Variants in ATP8A2 observed in about 807,000 individuals in gnomAD.
ATP8A2 encodes ATPase phospholipid transporting 8A2, also known as phospholipid-transporting ATPase IB.
A neutral mutation model predicts 165.6 loss-of-function variants in ATP8A2; 100 were observed. The ratio of observed to expected loss-of-function variants is 0.60; its 90% confidence interval spans 0.51 to 0.71. The LOEUF is 0.71. Ranked by LOEUF, ATP8A2 falls within the 30% of genes least tolerant of loss-of-function variation. The pLI is 0.00. For missense variants in ATP8A2, 1,227 were observed against 1,479.5 expected (o/e 0.83, Z 2.80); for synonymous variants, 543 against 548.8 (o/e 0.99, Z 0.15).
chr13:25,697,541 A>G (rs1358901650), intron 24 of ATP8A2, among the ~76,000 whole-genome samples: 1 of 152,204 alleles, frequency 6.6e-6, no homozygotes, highest in Non-Finnish European at 1.5e-5. Context: ...TCGGCCTCCC[A>G]GAGTGCTGGG....
chr13:25,507,527 A>G (rs2037089324), intron 2 of ATP8A2, among the ~76,000 whole-genome samples: 3 of 152,052 alleles, frequency 2.0e-5, no homozygotes, highest in Admixed American at 1.3e-4. Flanking sequence ...TGGCGTGCCA[A>G]AGTGCTAGGA....
At chr13:25,382,029 G>A (rs992536078) in intron 1 of ATP8A2, among the ~76,000 whole-genome samples, 2 of 152,086 alleles carry the variant, frequency 1.3e-5, no homozygotes, top group African/African-American at 2.4e-5. Flanking sequence ...CCCCAATGTG[G>A]TATCATACAG....
chr13:25,941,596 C>T (rs905386036), intron 33 of ATP8A2, among the ~76,000 whole-genome samples: 2 of 152,190 alleles, frequency 1.3e-5, no homozygotes, highest in African/African-American at 2.4e-5. Flanking sequence ...TCACCCGTCC[C>T]ATCCTGACCA....
chr13:25,375,804 C>T (rs981081625), intron 1 of ATP8A2, among the ~76,000 whole-genome samples: 1 of 152,080 alleles, frequency 6.6e-6, no homozygotes, highest in Non-Finnish European at 1.5e-5. Flanking sequence ...ATCTCTTAAC[C>T]TCGTGATCCA....
chr13:25,703,159 A>G (rs2042985185), intron 25 of ATP8A2, among the ~76,000 whole-genome samples: 1 of 152,150 alleles, frequency 6.6e-6, no homozygotes, highest in African/African-American at 2.4e-5. Context: ...AGCCCACTGC[A>G]ACCTCTACCT....
At chr13:25,926,537 A>G (rs532147390) in intron 33 of ATP8A2, among the ~76,000 whole-genome samples, 1 of 152,334 alleles carries the variant, frequency 6.6e-6, no homozygotes, top group South Asian at 2.1e-4. Flanking sequence ...TATCTGCTGC[A>G]TGGAATACTG....
At chr13:25,664,439 G>A (rs2042110413) in intron 24 of ATP8A2, among the ~76,000 whole-genome samples, 1 of 152,138 alleles carries the variant, frequency 6.6e-6, no homozygotes, top group South Asian at 2.1e-4. Context: ...CCTCTTCAGC[G>A]ATTGCACTGT....
intron 18 of ATP8A2, 105 bp from the exon 19 acceptor site, chr13:25,574,703 A>AAG (rs371416859): frequency 6.8e-5 from 51 of 750,424 alleles, no homozygotes; most frequent in Admixed American, 1.6e-4. Context: ...AGAAGGTGGG[A>AAG]AGAGAGAGAG....
Position 25,487,847 on chromosome 13 carries a change from CT to C in ATP8A2, c.221+18737del, listed in dbSNP as rs796393091. The stretch of plus-strand genomic sequence containing the variant: ...CAGTGTAATCTTTCTCTCTTTCTTT[CT>C]TTTTTTTTTTGTAATAGCCTGAGTG... On this transcript the variant is annotated intron_variant, in intron 2 of 36. Coordinates refer to ENST00000381655, the MANE Select transcript of ATP8A2 (RefSeq NM_016529.6). 3.6e-3 allele frequency among the ~76,000 whole-genome samples: 530 copies of C among 146,432 alleles called. 5 individuals carry two copies. The highest frequency in any genetic ancestry group is 0.014 in the Admixed American group (200 of 14,566).
intron 29 of ATP8A2, among the ~76,000 whole-genome samples, chr13:25,837,542 T>A (rs1951648993): frequency 6.6e-6 from 1 of 151,224 alleles, no homozygotes; most frequent in Non-Finnish European, 1.5e-5. Flanking sequence ...CAACCTCCAG[T>A]CCCAGCATGC....
At chr13:25,568,747 G>T (rs1478555584) in intron 16 of ATP8A2, among the ~76,000 whole-genome samples, 1 of 152,022 alleles carries the variant, frequency 6.6e-6, no homozygotes, top group Non-Finnish European at 1.5e-5. Context: ...ACTTACAAAT[G>T]GTTAAATGAT....
intron 2 of ATP8A2, among the ~76,000 whole-genome samples, chr13:25,505,012 G>A (rs2036986562): frequency 6.6e-6 from 1 of 152,086 alleles, no homozygotes. Flanking sequence ...GGAAATTACT[G>A]CTCTTACCCA....
rs146837251 is a variant in ATP8A2, at chr13:25,870,135, T to C, written c.3183+7727T>C. 3.1e-3 allele frequency among the ~76,000 whole-genome samples: 476 copies of C among 152,264 alleles called. 1 individual carries two copies. Among genetic ancestry groups the C allele is most frequent in the Middle Eastern group, 0.014 (4 of 294 alleles). Reference sequence around the variant, plus strand: ...TGTCCTCCAATTGTTCTGGCCAAACTCTGTGTCATTCTGGCGATAGGTGGC... The same window carrying C: ...TGTCCTCCAATTGTTCTGGCCAAACCCTGTGTCATTCTGGCGATAGGTGGC... On this transcript the variant is annotated intron_variant, in intron 33 of 36. Coordinates refer to ENST00000381655, the MANE Select transcript of ATP8A2 (RefSeq NM_016529.6).
chr13:25,932,990 G>T (rs1430463015), intron 33 of ATP8A2, among the ~76,000 whole-genome samples: 5 of 152,186 alleles, frequency 3.3e-5, no homozygotes, highest in Non-Finnish European at 7.3e-5. Flanking sequence ...GGGAGTACAG[G>T]TGCATGCCAC....
In ATP8A2 at chr13:25,926,912, T is replaced by C. The variant is rs370801010; in HGVS notation, c.3184-34663T>C. Among the ~76,000 whole-genome samples, 6 of 152,334 alleles carry C rather than the reference T, an allele frequency of 3.9e-5. No individual in the cohort carries two copies. The East Asian group carries it at 5.8e-4, about 15-fold the overall frequency. ...ATGTTTGAAAGCATGAACAAATAGA[T>C]TGAAAATGACTTGGTAGTGACTTCT... On this transcript the variant is annotated intron_variant, in intron 33 of 36. Coordinates refer to ENST00000381655, the MANE Select transcript of ATP8A2 (RefSeq NM_016529.6).
chr13:25,908,830 C>A (rs1047382714), intron 33 of ATP8A2, among the ~76,000 whole-genome samples: 2 of 152,296 alleles, frequency 1.3e-5, no homozygotes, highest in Admixed American at 1.3e-4. Context: ...ATTTCCCAGC[C>A]CTTCTGTGGT....
At chr13:25,412,902 C>G (rs1209238605) in intron 1 of ATP8A2, among the ~76,000 whole-genome samples, 1 of 152,170 alleles carries the variant, frequency 6.6e-6, no homozygotes, top group African/African-American at 2.4e-5. Context: ...CTCACTGCAA[C>G]CTCTGCCTTC....
intron 25 of ATP8A2, among the ~76,000 whole-genome samples, chr13:25,759,595 G>C (rs922423334): frequency 1.3e-4 from 20 of 152,196 alleles, no homozygotes; most frequent in Admixed American, 9.8e-4. Flanking sequence ...TTTCAAGGAA[G>C]CAGAGTATCA....
At chr13:25,455,070 G>C (rs866550197) in intron 1 of ATP8A2, among the ~76,000 whole-genome samples, 7 of 152,238 alleles carry the variant, frequency 4.6e-5, no homozygotes, top group South Asian at 2.1e-4. Context: ...TCTGTAGTTT[G>C]CATGGAGTTC....
Sources: allele counts gnomAD v4.1 joint callset (sites outside exome capture counted in the v4.1 genomes callset), GRCh38; gene constraint gnomAD v4.1.1; transcripts MANE v1.5; gene names NCBI Gene and HGNC (gene_info 2026-07-23, HGNC 2026-07-21).